The following SPOCK1 variants were observed in gnomAD, a reference collection of about 807,000 sequenced individuals.
SPOCK1 encodes SPARC (osteonectin), cwcv and kazal like domains proteoglycan 1, also known as testican-1.
SPOCK1 carries 23 observed loss-of-function variants against 55.3 expected under a neutral mutation model. That is an observed-to-expected ratio of 0.42 (90% CI 0.30 to 0.59). The LOEUF is 0.59. Ranked by LOEUF, SPOCK1 falls within the 20% of genes least tolerant of loss-of-function variation. The pLI is 0.22. For missense variants in SPOCK1, 499 were observed against 552.5 expected (o/e 0.90, Z 0.97); for synonymous variants, 226 against 221.0 (o/e 1.02, Z -0.20).
chr5:137,117,774 T>C (rs1159474738), intron 4 of SPOCK1, among the ~76,000 whole-genome samples: 2 of 151,474 alleles, frequency 1.3e-5, no homozygotes, highest in Non-Finnish European at 2.9e-5. Flanking sequence ...AACTGAGAAG[T>C]GGGTGGAGGG....
chr5:137,263,722 A>G (rs1209375957), intron 3 of SPOCK1, among the ~76,000 whole-genome samples: 1 of 152,144 alleles, frequency 6.6e-6, no homozygotes, highest in Non-Finnish European at 1.5e-5. Flanking sequence ...TTGGCATTAA[A>G]TCATTACAAG....
intron 2 of SPOCK1, among the ~76,000 whole-genome samples, chr5:137,433,158 G>A (rs770779169): frequency 6.6e-6 from 1 of 152,166 alleles, no homozygotes; most frequent in Non-Finnish European, 1.5e-5. Flanking sequence ...TGGGGTTTGA[G>A]GAAAGTTCCA....
In SPOCK1 at chr5:136,978,443, C is replaced by CA. The variant is rs11377127; in HGVS notation, c.*210dup. The CA allele has an allele frequency of 0.45, 171,393 of 376,976 alleles. 27,207 individuals carry two copies. Among genetic ancestry groups the CA allele is most frequent in the South Asian group, 0.55 (4,571 of 8,298 alleles). The allele number at this position is 376,976 out of a possible 1,614,324, so 23.4% of individuals were successfully genotyped here. On this transcript the variant is annotated 3_prime_UTR_variant, in exon 11 of 11. Transcript: ENST00000394945. ...TCCCTATCCAAAAAATAAACAACAA[C>CA]AAAAAAAAAACACAACACCCTTTCT...
rs369216388 is a variant in SPOCK1, at chr5:137,092,303, G to A, written c.474+20132C>T. ...ACATGGTGCTGTTGAGATGTGTAACGAGAGGCCCTGAGCTGGTTCGCCCTC... is the reference window on the plus strand; with the variant it reads ...ACATGGTGCTGTTGAGATGTGTAACAAGAGGCCCTGAGCTGGTTCGCCCTC... On this transcript the variant is annotated intron_variant, in intron 5 of 10. Transcript: ENST00000394945. 3.9e-5 allele frequency among the ~76,000 whole-genome samples: 6 copies of A among 152,346 alleles called. No individual in the cohort carries two copies. The East Asian group carries it at 9.6e-4, about 24-fold the overall frequency.
At chr5:137,067,880 C>A in intron 5 of SPOCK1, 51 bp from the exon 6 acceptor site, 1 of 1,467,094 alleles carries the variant, frequency 6.8e-7, no homozygotes, top group South Asian at 1.1e-5. Context: ...TAACAGACCC[C>A]TACCCCGCCT....
At chr5:137,414,534 T>G (rs1400548781) in intron 2 of SPOCK1, among the ~76,000 whole-genome samples, 3 of 152,224 alleles carry the variant, frequency 2.0e-5, no homozygotes, top group African/African-American at 7.2e-5. Flanking sequence ...GAAACAGGAA[T>G]GCTTGCTCTG....
intron 1 of SPOCK1, among the ~76,000 whole-genome samples, chr5:137,498,875 C>A (rs1055046119): frequency 1.3e-4 from 20 of 149,532 alleles, no homozygotes; most frequent in African/African-American, 3.9e-4. Flanking sequence ...TCCCCAGAAG[C>A]GGGGAGCCCG....
chr5:137,042,793 A>G (rs1752024637), intron 6 of SPOCK1, among the ~76,000 whole-genome samples: 1 of 152,126 alleles, frequency 6.6e-6, no homozygotes, highest in Non-Finnish European at 1.5e-5. Context: ...ATTAGCATAA[A>G]CTTGTATTTA....
intron 2 of SPOCK1, among the ~76,000 whole-genome samples, chr5:137,388,211 T>C (rs1751636876): frequency 6.6e-6 from 1 of 152,218 alleles, no homozygotes; most frequent in Non-Finnish European, 1.5e-5. Flanking sequence ...CACATTTAAC[T>C]AGTATTTACT....
In SPOCK1 at chr5:136,976,779, G is replaced by A. The variant is rs993643238; in HGVS notation, c.*1875C>T. 5 of 152,132 alleles carry A rather than the reference G, an allele frequency of 3.3e-5. No homozygotes were observed. Among genetic ancestry groups the A allele is most frequent in the African/African-American group, 1.2e-4 (5 of 41,414 alleles). The allele number at this position is 152,132 out of a possible 1,614,324, so 9.4% of individuals were successfully genotyped here. A position where few individuals can be genotyped will look rare whatever the true frequency, so the allele number is the denominator to read the frequency against. On this transcript the variant is annotated 3_prime_UTR_variant, in exon 11 of 11. Transcript: ENST00000394945. ...AGTACAAAACCTCAGGGTTATTTAC[G>A]AAGCCAAAGGACTTTGCTATATCAA...
intron 4 of SPOCK1, among the ~76,000 whole-genome samples, chr5:137,120,815 C>T (rs1172455908): frequency 6.6e-6 from 1 of 152,210 alleles, no homozygotes; most frequent in Non-Finnish European, 1.5e-5. Flanking sequence ...CTCACACCTG[C>T]CCGCCAGTCT....
chr5:136,998,615 C>G (rs747597569), intron 6 of SPOCK1, among the ~76,000 whole-genome samples: 1 of 152,162 alleles, frequency 6.6e-6, no homozygotes, highest in African/African-American at 2.4e-5. Flanking sequence ...AAATATCAGG[C>G]CTTGCCTTGC....
chr5:137,117,705 A>G (rs1036685815), intron 4 of SPOCK1, among the ~76,000 whole-genome samples: 1 of 152,124 alleles, frequency 6.6e-6, no homozygotes, highest in Non-Finnish European at 1.5e-5. Context: ...CAGAAATCCT[A>G]ATTCAGACTA....
At chr5:137,469,442 G>GT (rs549513708) in intron 2 of SPOCK1, among the ~76,000 whole-genome samples, 15 of 146,968 alleles carry the variant, frequency 1.0e-4, no homozygotes, top group East Asian at 2.0e-4. Context: ...TCCCAAAGTT[G>GT]TTTTTTTTTT....
chr5:137,187,518 A>G (rs532704926), intron 3 of SPOCK1, among the ~76,000 whole-genome samples: 1 of 152,056 alleles, frequency 6.6e-6, no homozygotes, highest in East Asian at 1.9e-4. Context: ...TCTATAGCAA[A>G]TACCTCCTTA....
intron 2 of SPOCK1, among the ~76,000 whole-genome samples, chr5:137,485,478 A>G (rs140145697): frequency 0.012 from 1,762 of 152,350 alleles, 32 homozygotes; most frequent in African/African-American, 0.04. Context: ...AGTAATTGGC[A>G]CAACCACTTT....
intron 4 of SPOCK1, among the ~76,000 whole-genome samples, chr5:137,129,591 C>G (rs1753837017): frequency 6.6e-6 from 1 of 152,148 alleles, no homozygotes; most frequent in Non-Finnish European, 1.5e-5. Context: ...CTCATGTACT[C>G]AGTCCTCCTC....
At chr5:136,980,875 A>G (rs992959350) in intron 9 of SPOCK1, among the ~76,000 whole-genome samples, 1 of 152,164 alleles carries the variant, frequency 6.6e-6, no homozygotes, top group African/African-American at 2.4e-5. Flanking sequence ...GCCCATAAAA[A>G]TATCTTGAGC....
At chr5:137,449,341 C>T (rs975838493) in intron 2 of SPOCK1, among the ~76,000 whole-genome samples, 2 of 152,220 alleles carry the variant, frequency 1.3e-5, no homozygotes, top group Non-Finnish European at 2.9e-5. Context: ...CTCTGCTCTA[C>T]CCCACCTCTC....
Sources: allele counts gnomAD v4.1 joint callset (sites outside exome capture counted in the v4.1 genomes callset), GRCh38; gene constraint gnomAD v4.1.1; transcripts MANE v1.5; gene names NCBI Gene and HGNC (gene_info 2026-07-23, HGNC 2026-07-21).